Variants in SPRY3 observed in about 807,000 individuals in gnomAD.
SPRY3 encodes protein sprouty homolog 3.
Under a neutral mutation model 20.2 loss-of-function variants are expected in SPRY3, and 15 were observed. The ratio of observed to expected loss-of-function variants is 0.74; its 90% confidence interval spans 0.50 to 1.14. The LOEUF is 1.14. Ranked by LOEUF, SPRY3 falls within the 50% of genes most tolerant of loss-of-function variation. The pLI is 0.00. For synonymous variants in SPRY3, 143 were observed against 136.5 expected, an observed-to-expected ratio of 1.05 and a Z score of -0.33; for missense variants, 364 against 363.9, an observed-to-expected ratio of 1.00 and a Z score of 0.00.
At chrX:155,699,756 G>A (rs928819275) in intron 2 of SPRY3, among the ~76,000 whole-genome samples, 5 of 110,546 alleles carry the variant, frequency 4.5e-5, no homozygotes, top group Non-Finnish European at 9.5e-5. Flanking sequence ...TACAGCTGGG[G>A]AGAGTCAGGA....
intron 2 of SPRY3, among the ~76,000 whole-genome samples, chrX:155,695,863 T>G (rs2068116829): frequency 9.0e-6 from 1 of 111,204 alleles, no homozygotes; most frequent in Non-Finnish European, 1.9e-5. Flanking sequence ...GTAATTTCTT[T>G]CATTAATTTA....
At chrX:155,756,658 C>T (rs1569396625) in intron 2 of SPRY3, among the ~76,000 whole-genome samples, 1 of 151,992 alleles carries the variant, frequency 6.6e-6, no homozygotes, top group Non-Finnish European at 1.5e-5. Flanking sequence ...AAACAGAATG[C>T]ATGTGGAGGA....
At position 155,722,553 on chromosome X, in the gene SPRY3, A is replaced by G. The variant is rs758424660; in HGVS notation, c.-281-45409A>G. 2.6e-5 allele frequency among the ~76,000 whole-genome samples: 4 copies of G among 152,272 alleles called. No individual in the cohort carries two copies. The South Asian group carries it at 8.3e-4, about 32-fold the overall frequency. ...AATTAATTAATTAAAGCAAGAAATTAAATCATATTAACCGAGAAAATTAAC... is the reference window on the plus strand; with the variant it reads ...AATTAATTAATTAAAGCAAGAAATTGAATCATATTAACCGAGAAAATTAAC... On this transcript the variant is annotated intron_variant, in intron 2 of 3. Coordinates refer to ENST00000675360, the Ensembl canonical transcript of SPRY3.
At chrX:155,763,190 T>C (rs772773607) in intron 2 of SPRY3, among the ~76,000 whole-genome samples, 2 of 152,208 alleles carry the variant, frequency 1.3e-5, no homozygotes, top group South Asian at 2.1e-4. Flanking sequence ...AAGATGGCAA[T>C]TGGGTAGCCT....
chrX:155,775,044 C>T (rs897669128), exon 4 of SPRY3: 9 of 463,430 alleles, frequency 1.9e-5, no homozygotes, highest in African/African-American at 9.7e-5. Context: ...GGGCCAGCAA[C>T]GTGGAGGTTT....
intron 2 of SPRY3, among the ~76,000 whole-genome samples, chrX:155,755,679 G>A (rs1178475511): frequency 1.3e-5 from 2 of 152,064 alleles, no homozygotes; most frequent in Non-Finnish European, 2.9e-5. Context: ...GGCATATAAG[G>A]AGATCTGTCT....
chrX:155,781,801 TAGTC>T (rs1372138954), exon 2 of SPRY3: 2 of 167,014 alleles, frequency 1.2e-5, no homozygotes, highest in African/African-American at 4.8e-5. Flanking sequence ...GTTTTTATTT[TAGTC>T]AATCTTTTAG....
chrX:155,762,753 G>T (rs1201007923), intron 2 of SPRY3, among the ~76,000 whole-genome samples: 1 of 152,066 alleles, frequency 6.6e-6, no homozygotes, highest in African/African-American at 2.4e-5. Context: ...ATACACTGTT[G>T]GTGGGAATAT....
At chrX:155,697,522 C>CACAT (rs750002413) in intron 2 of SPRY3, among the ~76,000 whole-genome samples, 78 of 99,330 alleles carry the variant, frequency 7.9e-4, no homozygotes, top group African/African-American at 1.3e-3. Flanking sequence ...CACACACACA[C>CACAT]ATATATATAT....
chrX:155,668,545 T>G (rs782689854), intron 2 of SPRY3, among the ~76,000 whole-genome samples: 4 of 110,797 alleles, frequency 3.6e-5, no homozygotes, highest in African/African-American at 1.3e-4. Flanking sequence ...ACACTTAAGA[T>G]TACTGTTCTT....
chrX:155,735,187 T>C (rs1187422617), intron 2 of SPRY3, among the ~76,000 whole-genome samples: 1 of 152,062 alleles, frequency 6.6e-6, no homozygotes, highest in African/African-American at 2.4e-5. Context: ...TAATGACTAG[T>C]TTAATTCCAA....
intron 1 of SPRY3, among the ~76,000 whole-genome samples, chrX:155,633,731 T>A (rs2067914659): frequency 8.9e-6 from 1 of 111,877 alleles, no homozygotes; most frequent in Non-Finnish European, 1.9e-5. Flanking sequence ...ACCCACCCTA[T>A]GGTTATTCCC....
At chrX:155,730,770 C>T (rs1433161777) in intron 2 of SPRY3, among the ~76,000 whole-genome samples, 1 of 152,052 alleles carries the variant, frequency 6.6e-6, no homozygotes, top group Non-Finnish European at 1.5e-5. Flanking sequence ...AACCTAAAGA[C>T]TCCACCAGAA....
At chrX:155,774,942 C>G in exon 4 of SPRY3, 1 of 630,520 alleles carries the variant, frequency 1.6e-6, no homozygotes, top group Admixed American at 3.0e-5. Flanking sequence ...CACTCCTCTT[C>G]AGTCTTTACA....
intron 1 of SPRY3, among the ~76,000 whole-genome samples, chrX:155,641,106 C>A (rs1010825793): frequency 7.2e-5 from 8 of 111,054 alleles, no homozygotes; most frequent in Admixed American, 3.8e-4. Flanking sequence ...CGTCTATACC[C>A]AATTTTTTGA....
intron 3 of SPRY3, among the ~76,000 whole-genome samples, chrX:155,769,476 C>A (rs747423027): frequency 1.3e-5 from 2 of 152,156 alleles, no homozygotes; most frequent in African/African-American, 2.4e-5. Context: ...AGCCACGCAG[C>A]AAAGTAGAGC....
chrX:155,740,302 G>A (rs1383545735), intron 2 of SPRY3, among the ~76,000 whole-genome samples: 1 of 152,062 alleles, frequency 6.6e-6, no homozygotes, highest in Non-Finnish European at 1.5e-5. Flanking sequence ...CAGAATAACA[G>A]CAATTTTAGG....
intron 2 of SPRY3, among the ~76,000 whole-genome samples, chrX:155,664,415 A>G (rs2124554815): frequency 9.1e-6 from 1 of 109,300 alleles, no homozygotes; most frequent in South Asian, 3.9e-4. Context: ...GATCATGACT[A>G]TTTTGAGGAA....
At chrX:155,747,287 T>C (rs1006105065) in intron 2 of SPRY3, among the ~76,000 whole-genome samples, 8 of 151,912 alleles carry the variant, frequency 5.3e-5, no homozygotes, top group African/African-American at 1.9e-4. Context: ...AGCATTTACC[T>C]GATAAAACTA....
Sources: gnomAD v4.1 joint callset for allele counts (sites outside exome capture counted in the v4.1 genomes callset) on GRCh38, gnomAD v4.1.1 for gene constraint, MANE v1.5 for transcripts, NCBI Gene and HGNC (gene_info 2026-07-23, HGNC 2026-07-21) for gene names.